The following NR1I3 variants were observed in gnomAD, a reference collection of about 807,000 sequenced individuals.
NR1I3 encodes nuclear receptor subfamily 1 group I member 3.
A neutral mutation model predicts 38.4 loss-of-function variants in NR1I3; 30 were observed. The ratio of observed to expected loss-of-function variants is 0.78; its 90% CI spans 0.58 to 1.06. The LOEUF (loss-of-function observed/expected upper bound fraction) is 1.06. Ranked by LOEUF, NR1I3 falls within the 50% of genes least tolerant of loss-of-function variation. The probability of loss-of-function intolerance (pLI) is 0.00; values close to 1 mark genes in which losing one functional copy is unlikely to be tolerated. For missense variants in NR1I3, 388 were observed against 435.7 expected, an observed-to-expected ratio of 0.89 and a Z score of 0.97; for synonymous variants, 143 against 165.1, an observed-to-expected ratio of 0.87 and a Z score of 1.03.
At chr1:161,235,261 T>TTTC (rs1571739553) in intron 3 of NR1I3, 1 of 76,446 alleles carries the variant, frequency 1.3e-5, no homozygotes, top group African/African-American at 3.9e-5. Context: ...TTGGTGTTTT[T>TTTC]TTTTTTTTTT....
chr1:161,235,756 C>T, intron 3 of NR1I3, 91 bp downstream of exon 3: 1 of 1,532,460 alleles, frequency 6.5e-7, no homozygotes, highest in Non-Finnish European at 8.9e-7. Context: ...AAAAAGAGTA[C>T]TGTGCCTGCT....
chr1:161,233,103 C>T, intron 4 of NR1I3, 66 bp downstream of exon 4: 4 of 1,593,226 alleles, frequency 2.5e-6, no homozygotes, highest in Non-Finnish European at 3.4e-6. Flanking sequence ...ACACCCCTCT[C>T]CTTCAGACCA....
chr1:161,230,614 T>G, intron 8 of NR1I3, 199 bp downstream of exon 8: 1 of 682,286 alleles, frequency 1.5e-6, no homozygotes, highest in Non-Finnish European at 2.4e-6. Flanking sequence ...AAAAGTGAGA[T>G]GAAACAGCAG....
In NR1I3 at chr1:161,236,599, C is replaced by A; in HGVS notation, c.-33-1G>T. The A allele has an allele frequency of 6.2e-7, 1 of 1,613,250 alleles. No homozygotes were observed. The highest frequency in any genetic ancestry group is 8.5e-7 in the Non-Finnish European group (1 of 1,179,684). On this transcript the variant is annotated splice_acceptor_variant, in intron 1 of 8. Coordinates refer to ENST00000367983, the MANE Select transcript of NR1I3 (RefSeq NM_005122.5). LOFTEE classifies it low-confidence loss of function (5UTR_SPLICE). ...GTGTTGGGGTGGCTGTCACAGACTC[C>A]TGAATGTAGGAGGGGTCAGCAGTCA... is the stretch of plus-strand genomic sequence containing the variant.
At chr1:161,234,946 C>T (rs1007378275) in intron 3 of NR1I3, among the ~76,000 whole-genome samples, 2 of 152,080 alleles carry the variant, frequency 1.3e-5, no homozygotes, top group African/African-American at 2.4e-5. Context: ...TTGAGACCAG[C>T]GTGGTCAACA....
At position 161,229,694 on chromosome 1, in the gene NR1I3, C is replaced by T; in HGVS notation, c.*103G>A. ...TTGCTTTAGTCTTTCATTGCAACCA[C>T]TGGGCTCCCTTTGAACCCGGCCCAA... On this transcript the variant is annotated 3_prime_UTR_variant, in exon 9 of 9. Transcript: ENST00000367983. The T allele has an allele frequency of 6.2e-7, 1 of 1,614,140 alleles. No individual in the cohort carries two copies.
intron 3 of NR1I3, chr1:161,235,248 C>A (rs1331038775): frequency 7.4e-6 from 1 of 134,432 alleles, no homozygotes; most frequent in Non-Finnish European, 1.6e-5. Flanking sequence ...GGGAAGAGTG[C>A]GCTTGGTGTT....
intron 1 of NR1I3, among the ~76,000 whole-genome samples, chr1:161,237,829 A>G (rs948777492): frequency 6.6e-6 from 1 of 152,050 alleles, no homozygotes; most frequent in African/African-American, 2.4e-5. Context: ...GATTACAGGC[A>G]TGAGCTCCCG....
At chr1:161,232,283 G>A (rs866543505) in intron 5 of NR1I3, among the ~76,000 whole-genome samples, 1 of 151,236 alleles carries the variant, frequency 6.6e-6, no homozygotes, top group Non-Finnish European at 1.5e-5. Flanking sequence ...ACCGTGCCTG[G>A]CCTATTATTA....
At position 161,230,833 on chromosome 1, in the gene NR1I3, C is replaced by T; in HGVS notation, c.897G>A (p.Gln299=). 6.2e-7 allele frequency: 1 copy of T among 1,614,204 alleles called. No individual in the cohort carries two copies. The change falls in exon 8 of 9, where the codon CAG becomes CAA. Residue 299 remains glutamine (Q), a synonymous_variant. Coordinates refer to ENST00000367983, the MANE Select transcript of NR1I3 (RefSeq NM_005122.5). ...ALTLQSYIKG[Q]QRRPRDRFLY... ...CGTACCGATCCCGGGGCCTTCGCTG[C>T]TGGCCCTTGATGTAGCTTTGCAGAG...
intron 2 of NR1I3, 89 bp downstream of exon 2, chr1:161,236,370 G>A (rs1368055924): frequency 6.7e-7 from 1 of 1,499,680 alleles, no homozygotes; most frequent in Non-Finnish European, 9.1e-7. Context: ...AATGTAGCTG[G>A]ACAGGCTTGG....
chr1:161,233,837 ATGTGTGTGTG>A (rs761756944), intron 3 of NR1I3, among the ~76,000 whole-genome samples: 19,146 of 118,436 alleles, frequency 0.16, 1,502 homozygotes, highest in Middle Eastern at 0.26. Flanking sequence ...TCATATATAT[ATGTGTGTGTG>A]TGTGTGTGTG....
intron 2 of NR1I3, 117 bp from the exon 3 acceptor site, chr1:161,236,094 C>A (rs939104915): frequency 4.9e-6 from 6 of 1,212,990 alleles, no homozygotes; most frequent in Admixed American, 2.7e-5. Flanking sequence ...GAGCTGTGCC[C>A]AAAGGTCCCC....
intron 7 of NR1I3, 63 bp from the exon 8 acceptor site, chr1:161,230,981 G>A (rs747283847): frequency 1.1e-5 from 17 of 1,612,192 alleles, no homozygotes; most frequent in South Asian, 7.7e-5. Flanking sequence ...GTGGTGCCCC[G>A]GGGACTGAGG....
At chr1:161,230,024 T>C in intron 8 of NR1I3, 98 bp from the exon 9 acceptor site, 1 of 1,415,286 alleles carries the variant, frequency 7.1e-7, no homozygotes, top group East Asian at 2.3e-5. Flanking sequence ...TATTCCTCAG[T>C]GAAGCCAGGT....
At chr1:161,236,403 T>C in intron 2 of NR1I3, 56 bp downstream of exon 2, 1 of 1,604,996 alleles carries the variant, frequency 6.2e-7, no homozygotes. Flanking sequence ...GTGTAAAGGC[T>C]GACTAATAGG....
intron 3 of NR1I3, among the ~76,000 whole-genome samples, chr1:161,233,851 G>C (rs979271869): frequency 7.7e-6 from 1 of 129,992 alleles, no homozygotes; most frequent in Non-Finnish European, 1.6e-5. Context: ...GTGTGTGTGT[G>C]TGTGTGTGTG....
At chr1:161,230,023 G>A in intron 8 of NR1I3, 97 bp from the exon 9 acceptor site, 1 of 1,411,498 alleles carries the variant, frequency 7.1e-7, no homozygotes, top group Non-Finnish European at 9.8e-7. Context: ...CTATTCCTCA[G>A]TGAAGCCAGG....
rs34161743 is a variant in NR1I3 at position 161,233,288 on chromosome 1, G to A, written c.289C>T (p.Arg97Trp). 595 of 1,614,134 alleles carry A rather than the reference G, an allele frequency of 3.7e-4. 1 individual carries two copies. The African/African-American group carries it at 6.1e-3, about 17-fold the overall frequency. ...LALRRAKQAQ[R>W]RAQQTPVQLS... ...TGCACAGGTGTTTGCTGTGCCCGCC[G>A]CTGGGCCTGCTTTGCTCGCCGCAAT... Residue 97 changes from arginine (R) to tryptophan (W), a missense_variant, in exon 4 of 9, where the codon CGG (arginine) becomes TGG (tryptophan). Arg to Trp is a moderately radical substitution (Grantham distance 101). Transcript: ENST00000367983.
Sources: allele counts gnomAD v4.1 joint callset (sites outside exome capture counted in the v4.1 genomes callset), GRCh38; gene constraint gnomAD v4.1.1; transcripts MANE v1.5; gene names NCBI Gene and HGNC (gene_info 2026-07-23, HGNC 2026-07-21).